The following PCSK1 variants were observed in gnomAD, a reference collection of about 807,000 sequenced individuals.
The protein encoded by PCSK1 is proprotein convertase subtilisin/kexin type 1.
Under a neutral mutation model 90.6 loss-of-function variants are expected in PCSK1, and 56 were observed. That is an observed-to-expected ratio of 0.62 (90% CI 0.50 to 0.77). PCSK1 has a LOEUF of 0.77. PCSK1 is among the 30% of genes least tolerant of loss of function. The pLI is 0.00. For missense variants in PCSK1, 801 were observed against 932.6 expected (o/e 0.86, Z 1.84); for synonymous variants, 348 against 342.4 (o/e 1.02, Z -0.18).
At chr5:96,429,078 A>G in intron 2 of PCSK1, 135 bp downstream of exon 2, 1 of 615,004 alleles carries the variant, frequency 1.6e-6, no homozygotes, top group Non-Finnish European at 2.9e-6. Flanking sequence ...AAGAAATTAG[A>G]AATAATACAG....
At chr5:96,408,118 T>C (rs979136664) in intron 9 of PCSK1, 105 bp downstream of exon 9, 12 of 774,798 alleles carry the variant, frequency 1.5e-5, no homozygotes, top group Admixed American at 8.0e-5. Context: ...TTATTTGCAG[T>C]ATTCCAAAAT....
At chr5:96,410,679 G>T in intron 8 of PCSK1, 95 bp downstream of exon 8, 2 of 1,009,260 alleles carry the variant, frequency 2.0e-6, no homozygotes, top group Non-Finnish European at 3.2e-6. Context: ...AAGCTTAAGC[G>T]AATCAGTCGT....
chr5:96,431,331 T>C (rs1761488412), intron 1 of PCSK1, among the ~76,000 whole-genome samples: 1 of 152,250 alleles, frequency 6.6e-6, no homozygotes, highest in African/African-American at 2.4e-5. Context: ...AACCTTTGAC[T>C]TCTGTTCCCG....
chr5:96,396,942 A>G (rs1461888286), intron 12 of PCSK1, among the ~76,000 whole-genome samples: 4 of 152,254 alleles, frequency 2.6e-5, no homozygotes. Flanking sequence ...AATCATAAGC[A>G]TGCCTTTAAG....
In PCSK1 at chr5:96,429,294, G is replaced by T; in HGVS notation, c.204C>A (p.Tyr68Ter). Reference protein sequence around the residue: ...LGQIGSLENHYLFKHKNHPRR... With the variant: ...LGQIGSLENH ...TGGGGTGGTTTTTATGTTTGAATAA[G>T]TAGTGATTTTCAAGTGAACCAATCT... is the stretch of plus-strand genomic sequence containing the variant. Residue 68 changes from tyrosine (Y) to a stop codon, truncating the protein, a stop_gained, in exon 2 of 14, where the codon TAC becomes TAA. Coordinates refer to ENST00000311106, the MANE Select transcript of PCSK1 (RefSeq NM_000439.5). LOFTEE classifies it high-confidence loss of function. 1.3e-6 allele frequency: 2 copies of T among 1,588,282 alleles called. No homozygotes were observed. The highest frequency in any genetic ancestry group is 1.3e-5 in the African/African-American group (1 of 74,498).
In PCSK1 at chr5:96,421,924, A is replaced by G. The variant is rs1294736793; in HGVS notation, c.576T>C (p.Asn192=). ...CATATCGGGGAAATGGATCATGGTC[A>G]TTATCATTAAAATCATAGCTAGCCT... ...DPEASYDFND[N]DHDPFPRYDP... Residue 192 remains asparagine (N), a synonymous_variant, in exon 5 of 14, where the codon AAT becomes AAC. Transcript: ENST00000311106. 6.3e-7 allele frequency: 1 copy of G among 1,582,342 alleles called. No individual in the cohort carries two copies. Among genetic ancestry groups the G allele is most frequent in the Non-Finnish European group, 8.7e-7 (1 of 1,154,190 alleles).
chr5:96,393,218 T>C lies in PCSK1; in HGVS notation c.2045A>G (p.Lys682Arg), dbSNP rs1161562062. The C allele has an allele frequency of 6.2e-7, 1 of 1,613,952 alleles. No individual in the cohort carries two copies. The highest frequency in any genetic ancestry group is 2.2e-5 in the East Asian group (1 of 44,882). ...ACTTGGGGACTTCTTTGGTGATTGCTTTGGCGGTGAGTTTTTACTGAAAGC... is the reference window on the plus strand; with the variant it reads ...ACTTGGGGACTTCTTTGGTGATTGCCTTGGCGGTGAGTTTTTACTGAAAGC... ...QSAFSKNSPP[K>R]QSPKKSPSAK... Residue 682 changes from lysine to arginine, a missense_variant, in exon 14 of 14, where the codon AAG (lysine) becomes AGG (arginine). Lys to Arg is a conservative substitution (Grantham distance 26). Coordinates refer to ENST00000311106, the MANE Select transcript of PCSK1 (RefSeq NM_000439.5).
Position 96,433,017 on chromosome 5 carries a change from T to C in PCSK1, c.26A>G (p.Gln9Arg). ...GCAAAAGAGGACGAAAGCAGTGCAC[T>C]GCAGACTCCAGGCTCTTCGCTCCAT... MERRAWSLQCTAFVLFCAW... is the reference protein window; with the variant it reads MERRAWSLRCTAFVLFCAW... Residue 9 changes from glutamine to arginine, a missense_variant, in exon 1 of 14, where the codon CAG becomes CGG. By Grantham distance (43) the Gln-to-Arg change is conservative (BLOSUM62 1). Transcript: ENST00000311106. 1 of 1,614,180 alleles carries C rather than the reference T, an allele frequency of 6.2e-7. No individual in the cohort carries two copies. The highest frequency in any genetic ancestry group is 8.5e-7 in the Non-Finnish European group (1 of 1,179,984).
intron 5 of PCSK1, among the ~76,000 whole-genome samples, chr5:96,418,317 G>A (rs1285092573): frequency 6.6e-6 from 1 of 152,110 alleles, no homozygotes; most frequent in Non-Finnish European, 1.5e-5. Context: ...GTAGTAACTG[G>A]CATTTAAACA....
rs758668028 is a variant in PCSK1, at chr5:96,433,065, A to G, written c.-23T>C. ...CATAGCTCACACACTCGCTTGAACA[A>G]GAGTGGGAAGGGAAGAGGAAAAAGA... On this transcript the variant is annotated 5_prime_UTR_variant, in exon 1 of 14. Transcript: ENST00000311106. 9.9e-6 allele frequency: 16 copies of G among 1,610,352 alleles called. No homozygotes were observed. Among genetic ancestry groups the G allele is most frequent in the East Asian group, 2.2e-5 (1 of 44,862 alleles).
chr5:96,420,787 A>G (rs6899231), intron 5 of PCSK1, among the ~76,000 whole-genome samples: 7 of 143,332 alleles, frequency 4.9e-5, no homozygotes, highest in Non-Finnish European at 9.2e-5. Flanking sequence ...GAGAGAGAGA[A>G]AGAGAGAGAG....
At chr5:96,430,318 A>G (rs967380006) in intron 1 of PCSK1, among the ~76,000 whole-genome samples, 1 of 152,218 alleles carries the variant, frequency 6.6e-6, no homozygotes, top group Non-Finnish European at 1.5e-5. Flanking sequence ...CATTTTTAAA[A>G]TTAAGAAACA....
intron 2 of PCSK1, among the ~76,000 whole-genome samples, chr5:96,427,677 A>T (rs1231606136): frequency 6.6e-6 from 1 of 152,220 alleles, no homozygotes; most frequent in Non-Finnish European, 1.5e-5. Context: ...TTGAGTAAGA[A>T]TAACAGTTAG....
At chr5:96,415,611 T>C (rs1399314175) in intron 6 of PCSK1, among the ~76,000 whole-genome samples, 1 of 152,234 alleles carries the variant, frequency 6.6e-6, no homozygotes, top group Non-Finnish European at 1.5e-5. Context: ...ATAATAAGTA[T>C]GTACTTTTTT....
At position 96,390,497 on chromosome 5, in the gene PCSK1, T is replaced by G. The variant is rs1240367065; in HGVS notation, c.*2504A>C. On this transcript the variant is annotated 3_prime_UTR_variant, in exon 14 of 14. Coordinates refer to ENST00000311106, the MANE Select transcript of PCSK1 (RefSeq NM_000439.5). ...ACACATGTTAAACTCAGCTACATGT[T>G]GTATTAGGCTATTAGACAAATGTCA... The G allele has an allele frequency of 6.6e-6, 1 of 152,536 alleles. No individual in the cohort carries two copies. The highest frequency in any genetic ancestry group is 1.9e-4 in the East Asian group (1 of 5,198). The allele number at this position is 152,536 out of a possible 1,614,324, so 9.4% of individuals were successfully genotyped here. A position where few individuals can be genotyped will look rare whatever the true frequency, so the allele number is the denominator to read the frequency against.
chr5:96,425,146 T>C (rs1043599331), intron 3 of PCSK1, among the ~76,000 whole-genome samples: 1 of 152,192 alleles, frequency 6.6e-6, no homozygotes, highest in Non-Finnish European at 1.5e-5. Flanking sequence ...TCTTAGCTTG[T>C]GTTTTTCAAG....
intron 9 of PCSK1, among the ~76,000 whole-genome samples, chr5:96,400,959 C>T (rs1760340605): frequency 1.3e-5 from 2 of 150,998 alleles, no homozygotes; most frequent in Non-Finnish European, 3.0e-5. Context: ...CGGTGGCGGG[C>T]GCCTGTAGTC....
intron 1 of PCSK1, among the ~76,000 whole-genome samples, chr5:96,429,946 A>G (rs1761440436): frequency 6.6e-6 from 1 of 152,248 alleles, no homozygotes; most frequent in African/African-American, 2.4e-5. Context: ...TCATTTAATC[A>G]AATATATCTG....
At chr5:96,409,470 G>T (rs1362631649) in intron 8 of PCSK1, among the ~76,000 whole-genome samples, 1 of 152,188 alleles carries the variant, frequency 6.6e-6, no homozygotes, top group Admixed American at 6.5e-5. Context: ...TAAGAAAAAG[G>T]TTATGTTACT....
Sources: gnomAD v4.1 joint callset for allele counts (sites outside exome capture counted in the v4.1 genomes callset) on GRCh38, gnomAD v4.1.1 for gene constraint, MANE v1.5 for transcripts, NCBI Gene and HGNC (gene_info 2026-07-23, HGNC 2026-07-21) for gene names.